Variants in PIGU observed in about 807,000 individuals in gnomAD.
The protein encoded by PIGU is phosphatidylinositol glycan anchor biosynthesis class U.
PIGU carries 24 observed loss-of-function variants against 49.9 expected under a neutral mutation model. That is an observed-to-expected ratio of 0.48 (90% CI 0.35 to 0.68). The LOEUF is 0.68. PIGU is among the 30% of genes least tolerant of loss of function. PIGU has a pLI of 0.01. For missense variants in PIGU, 490 were observed against 532.6 expected (o/e 0.92, Z 0.79); for synonymous variants, 220 against 205.7 (o/e 1.07, Z -0.59).
At chr20:34,566,555 G>C (rs754671319) in intron 11 of PIGU, among the ~76,000 whole-genome samples, 1 of 152,204 alleles carries the variant, frequency 6.6e-6, no homozygotes, top group Non-Finnish European at 1.5e-5. Flanking sequence ...GGGCAGGATG[G>C]AGAGACAGGG....
chr20:34,578,811 T>A (rs1983340925), intron 10 of PIGU, among the ~76,000 whole-genome samples: 1 of 152,126 alleles, frequency 6.6e-6, no homozygotes, highest in Admixed American at 6.5e-5. Flanking sequence ...GGACAGCTTG[T>A]TCCAGGCATC....
At chr20:34,647,540 G>A (rs931472518) in intron 2 of PIGU, among the ~76,000 whole-genome samples, 5 of 151,966 alleles carry the variant, frequency 3.3e-5, no homozygotes, top group African/African-American at 9.6e-5. Flanking sequence ...GATTACAAGC[G>A]TGAGCCACCA....
At chr20:34,563,297 G>C (rs1982604800) in intron 11 of PIGU, among the ~76,000 whole-genome samples, 1 of 152,190 alleles carries the variant, frequency 6.6e-6, no homozygotes, top group Non-Finnish European at 1.5e-5. Flanking sequence ...GCGAGGTGCG[G>C]TGGCTCATGC....
At chr20:34,675,699 C>T (rs1987476440) in intron 1 of PIGU, among the ~76,000 whole-genome samples, 1 of 152,122 alleles carries the variant, frequency 6.6e-6, no homozygotes, top group African/African-American at 2.4e-5. Context: ...CCCATACCAA[C>T]ATTCTATGGG....
chr20:34,570,462 T>G (rs1982961207), intron 11 of PIGU, among the ~76,000 whole-genome samples: 1 of 151,328 alleles, frequency 6.6e-6, no homozygotes, highest in African/African-American at 2.4e-5. Flanking sequence ...TCGCCCAGGC[T>G]GGAGTGCAGT....
intron 7 of PIGU, among the ~76,000 whole-genome samples, chr20:34,601,496 G>A (rs1377549806): frequency 6.6e-6 from 1 of 152,072 alleles, no homozygotes; most frequent in African/African-American, 2.4e-5. Flanking sequence ...ACTTAATCTC[G>A]AGGTTGTAAA....
chr20:34,616,281 A>C, intron 6 of PIGU, 142 bp from the exon 7 acceptor site: 1 of 861,458 alleles, frequency 1.2e-6, no homozygotes, highest in East Asian at 3.4e-5. Flanking sequence ...GGTGCTATGC[A>C]AATTCACACA....
At chr20:34,593,826 C>T (rs937402743) in intron 7 of PIGU, among the ~76,000 whole-genome samples, 20 of 152,232 alleles carry the variant, frequency 1.3e-4, no homozygotes, top group Admixed American at 1.2e-3. Flanking sequence ...AAAAGCTCAA[C>T]TGTGATTGTG....
intron 4 of PIGU, among the ~76,000 whole-genome samples, chr20:34,640,513 ACACACACACACACACACACACACC>A (rs1377215137): frequency 5.4e-5 from 6 of 111,058 alleles, no homozygotes; most frequent in African/African-American, 1.5e-4. Context: ...ACACACACAC[ACACACACACACACACACACACACC>A]CCTTAAGAAA....
At chr20:34,645,464 A>G (rs901220850) in intron 2 of PIGU, 130 bp from the exon 3 acceptor site, 9 of 1,253,580 alleles carry the variant, frequency 7.2e-6, no homozygotes, top group African/African-American at 6.3e-5. Context: ...TTCCTGGAAT[A>G]CTGTTCTACG....
chr20:34,636,621 A>G (rs980772185), intron 5 of PIGU, among the ~76,000 whole-genome samples: 1 of 152,202 alleles, frequency 6.6e-6, no homozygotes, highest in Non-Finnish European at 1.5e-5. Context: ...GGACCACCAA[A>G]TGGATATTCT....
At chr20:34,673,047 G>A (rs1392581427) in intron 1 of PIGU, among the ~76,000 whole-genome samples, 1 of 151,916 alleles carries the variant, frequency 6.6e-6, no homozygotes, top group African/African-American at 2.4e-5. Flanking sequence ...GAGGTCAGGA[G>A]ATCGAGACCA....
intron 7 of PIGU, among the ~76,000 whole-genome samples, chr20:34,599,427 T>G (rs1016635897): frequency 1.2e-4 from 19 of 152,220 alleles, no homozygotes; most frequent in African/African-American, 4.3e-4. Flanking sequence ...CGCTCCAGCC[T>G]GGGCAACAGA....
intron 7 of PIGU, among the ~76,000 whole-genome samples, chr20:34,592,447 A>C: frequency 6.6e-6 from 1 of 151,660 alleles, no homozygotes; most frequent in East Asian, 1.9e-4. Context: ...GAAAAAAAAA[A>C]AAAAGAGAGA....
intron 2 of PIGU, among the ~76,000 whole-genome samples, chr20:34,647,849 CTA>C (rs1489105972): frequency 6.6e-6 from 1 of 152,118 alleles, no homozygotes; most frequent in African/African-American, 2.4e-5. Flanking sequence ...TTGCATCATT[CTA>C]TATATGACAT....
At chr20:34,589,280 A>C (rs552453229) in intron 7 of PIGU, among the ~76,000 whole-genome samples, 1 of 152,258 alleles carries the variant, frequency 6.6e-6, no homozygotes, top group Non-Finnish European at 1.5e-5. Context: ...ATTCATATGC[A>C]AAATGAAAAG....
At chr20:34,635,832 G>A (rs1348372269) in intron 5 of PIGU, among the ~76,000 whole-genome samples, 5 of 151,366 alleles carry the variant, frequency 3.3e-5, no homozygotes, top group South Asian at 2.1e-4. Context: ...CCGAGATGAC[G>A]CCATTGCACT....
At chr20:34,603,778 T>C (rs1233028020) in intron 7 of PIGU, among the ~76,000 whole-genome samples, 5 of 151,914 alleles carry the variant, frequency 3.3e-5, no homozygotes, top group Admixed American at 6.6e-5. Flanking sequence ...AATGGGTAAA[T>C]GGTATTTCAA....
At position 34,660,218 on chromosome 20, in the gene PIGU, C is replaced by T. The variant is rs909327429; in HGVS notation, c.131-2974G>A. On this transcript the variant is annotated intron_variant, in intron 1 of 11. Coordinates refer to ENST00000217446, the MANE Select transcript of PIGU (RefSeq NM_080476.5). ...CGTACTCCATCCATAGTAATAATCACAAAAGGCAAGAATCATCAATGGATG... is the reference window on the plus strand; with the variant it reads ...CGTACTCCATCCATAGTAATAATCATAAAAGGCAAGAATCATCAATGGATG... 4.6e-5 allele frequency among the ~76,000 whole-genome samples: 7 copies of T among 152,172 alleles called. No individual in the cohort carries two copies. In the East Asian group the frequency reaches 1.4e-3, roughly 29 times the overall value.
Sources: allele counts gnomAD v4.1 joint callset (sites outside exome capture counted in the v4.1 genomes callset), GRCh38; gene constraint gnomAD v4.1.1; transcripts MANE v1.5; gene names NCBI Gene and HGNC (gene_info 2026-07-23, HGNC 2026-07-21).